S100Z: variants seen among roughly 807,000 people sequenced by gnomAD.
S100Z encodes protein S100-Z.
In S100Z, 11 loss-of-function variants were observed where a neutral mutation model predicts 8.5. That is an observed-to-expected ratio of 1.30 (90% CI 0.82 to 2.15). S100Z has a LOEUF of 2.15. Among genes scored for constraint, S100Z ranks in the 30% most tolerant of loss-of-function variants. The pLI is 0.00. For missense variants in S100Z, 126 were observed against 117.9 expected, an observed-to-expected ratio of 1.07 and a Z score of -0.32; for synonymous variants, 34 against 43.8, an observed-to-expected ratio of 0.78 and a Z score of 0.89.
At chr5:76,851,400 G>A (rs1750725783) in intron 1 of S100Z, among the ~76,000 whole-genome samples, 1 of 152,126 alleles carries the variant, frequency 6.6e-6, no homozygotes, top group African/African-American at 2.4e-5. Context: ...GGTGAGTTGG[G>A]ATCTCATGCA....
intron 2 of S100Z, among the ~76,000 whole-genome samples, chr5:76,871,732 G>A (rs1330151305): frequency 6.6e-6 from 1 of 151,820 alleles, no homozygotes; most frequent in Non-Finnish European, 1.5e-5. Context: ...TCACCATGTT[G>A]GCCAAGCTGG....
intron 4 of S100Z, among the ~76,000 whole-genome samples, chr5:76,895,908 A>T (rs996109877): frequency 1.3e-5 from 2 of 150,940 alleles, no homozygotes; most frequent in African/African-American, 4.9e-5. Flanking sequence ...GATTACAGGC[A>T]CCCACCACCA....
downstream of S100Z, among the ~76,000 whole-genome samples, chr5:76,925,889 C>T (rs1046409810): frequency 6.6e-6 from 1 of 152,164 alleles, no homozygotes. Context: ...ATTGCTTGAA[C>T]CCAGGAGGTG....
the S100Z span, among the ~76,000 whole-genome samples, chr5:76,939,010 T>C: frequency 2.0e-5 from 3 of 152,180 alleles, no homozygotes; most frequent in Non-Finnish European, 2.9e-5. Context: ...ACAAATGATA[T>C]ATTTCTTTAG....
At chr5:76,900,053 G>A (rs954836795) in intron 4 of S100Z, among the ~76,000 whole-genome samples, 2 of 152,140 alleles carry the variant, frequency 1.3e-5, no homozygotes, top group Admixed American at 6.6e-5. Context: ...TTTAAATATG[G>A]CATGCCATTC....
chr5:76,862,565 G>C (rs952507488), intron 1 of S100Z, among the ~76,000 whole-genome samples: 3 of 152,066 alleles, frequency 2.0e-5, no homozygotes, highest in Admixed American at 2.0e-4. Flanking sequence ...TTGGGAGGCC[G>C]AGGCAGGTGG....
intron 1 of S100Z, among the ~76,000 whole-genome samples, chr5:76,855,240 C>G (rs1036773479): frequency 6.6e-6 from 1 of 152,150 alleles, no homozygotes; most frequent in Non-Finnish European, 1.5e-5. Context: ...GGGGCATTGC[C>G]TAGTAGAGCT....
downstream of S100Z, among the ~76,000 whole-genome samples, chr5:76,924,350 A>G (rs950557899): frequency 5.3e-5 from 8 of 152,164 alleles, no homozygotes; most frequent in Non-Finnish European, 1.0e-4. Context: ...TGTTAAATAA[A>G]TGTATATGCC....
chr5:76,874,600 C>T (rs1024630433), intron 2 of S100Z, among the ~76,000 whole-genome samples: 16 of 152,118 alleles, frequency 1.1e-4, no homozygotes, highest in South Asian at 2.1e-4. Context: ...GAACGTTTCC[C>T]CCTCCCCCAC....
intron 4 of S100Z, among the ~76,000 whole-genome samples, chr5:76,883,241 G>A (rs1743477946): frequency 6.6e-6 from 1 of 152,112 alleles, no homozygotes; most frequent in South Asian, 2.1e-4. Flanking sequence ...GGTTAAGGTA[G>A]GGGGATACGA....
the S100Z span, among the ~76,000 whole-genome samples, chr5:76,949,652 T>C: frequency 6.6e-6 from 1 of 152,230 alleles, no homozygotes; most frequent in African/African-American, 2.4e-5. Context: ...CCTTGTCATA[T>C]ACTACAGCAT....
chr5:76,881,383 A>G (rs1743397040), intron 4 of S100Z, among the ~76,000 whole-genome samples: 1 of 152,190 alleles, frequency 6.6e-6, no homozygotes, highest in South Asian at 2.1e-4. Context: ...ACCAAGAGGT[A>G]TTTTAGTTTC....
chr5:76,876,761 GT>G (rs1448402327), intron 3 of S100Z, among the ~76,000 whole-genome samples: 1 of 152,142 alleles, frequency 6.6e-6, no homozygotes, highest in Non-Finnish European at 1.5e-5. Flanking sequence ...ATTTATAATT[GT>G]TTTAATCAAG....
At chr5:76,942,988 G>A in the S100Z span, among the ~76,000 whole-genome samples, 1 of 152,216 alleles carries the variant, frequency 6.6e-6, no homozygotes, top group South Asian at 2.1e-4. Flanking sequence ...GTTAGATATT[G>A]TGAAGTATTC....
At position 76,914,452 on chromosome 5, in the gene S100Z, G is replaced by A. The variant is rs182132798; in HGVS notation, c.*3-6265G>A. On this transcript the variant is annotated intron_variant, in intron 4 of 4. Coordinates refer to ENST00000317593, the MANE Select transcript of S100Z (RefSeq NM_130772.4). ...GACCAATCAGCAGGATGTGGGTGGG[G>A]CCAAATAAGGGAATAAAAGCTGGCC... Among the ~76,000 whole-genome samples, 203 of 112,062 alleles carry A rather than the reference G, an allele frequency of 1.8e-3. 1 individual carries two copies. Among genetic ancestry groups the A allele is most frequent in the African/African-American group, 6.0e-3 (154 of 25,504 alleles). 73.5% of individuals were successfully genotyped at this position (112,062 alleles called of 152,430 possible).
At chr5:76,919,454 T>G (rs1478711347) in intron 4 of S100Z, among the ~76,000 whole-genome samples, 1 of 152,206 alleles carries the variant, frequency 6.6e-6, no homozygotes, top group Non-Finnish European at 1.5e-5. Flanking sequence ...TTGTGGAGGA[T>G]CTTTTTATAT....
the S100Z span, among the ~76,000 whole-genome samples, chr5:76,952,405 C>T: frequency 6.6e-6 from 1 of 152,240 alleles, no homozygotes; most frequent in African/African-American, 2.4e-5. Flanking sequence ...AGTCCCCTGA[C>T]ACCAGAGTTA....
the S100Z span, among the ~76,000 whole-genome samples, chr5:76,937,423 A>G: frequency 2.2e-4 from 34 of 151,952 alleles, no homozygotes; most frequent in Admixed American, 1.1e-3. Flanking sequence ...TGTGCATTTT[A>G]TATATTCTTC....
rs527398131 is a variant in S100Z, at chr5:76,863,692, C to T, written c.-175-6474C>T. Among the ~76,000 whole-genome samples the T allele has an allele frequency of 1.2e-4, 19 of 152,018 alleles. 1 individual carries two copies. Among genetic ancestry groups the T allele is most frequent in the South Asian group, 8.3e-4 (4 of 4,826 alleles). ...TAGCTGGGACTACAGGCACCCGCCACCACACCCAGCTAATTTTTTGTATTT... is the reference window on the plus strand; with the variant it reads ...TAGCTGGGACTACAGGCACCCGCCATCACACCCAGCTAATTTTTTGTATTT... On this transcript the variant is annotated intron_variant, in intron 1 of 4. Coordinates refer to ENST00000317593, the MANE Select transcript of S100Z (RefSeq NM_130772.4).
Sources: gnomAD v4.1 joint callset for allele counts (sites outside exome capture counted in the v4.1 genomes callset) on GRCh38, gnomAD v4.1.1 for gene constraint, MANE v1.5 for transcripts, NCBI Gene and HGNC (gene_info 2026-07-23, HGNC 2026-07-21) for gene names.